The following CDH13 variants were observed in gnomAD, a reference collection of about 807,000 sequenced individuals.
The protein encoded by CDH13 is cadherin 13.
In CDH13, 24 loss-of-function variants were observed where a neutral mutation model predicts 63.8. That is an observed-to-expected ratio of 0.38 (90% CI 0.27 to 0.53). The LOEUF is 0.53. Ranked by LOEUF, CDH13 falls within the 20% of genes least tolerant of loss-of-function variation. The pLI is 0.85. For synonymous variants in CDH13, 503 were observed against 355.3 expected (o/e 1.42, Z -4.67); for missense variants, 1,049 against 903.1 (o/e 1.16, Z -2.07).
chr16:83,586,956 G>A (rs1485162733), intron 7 of CDH13, among the ~76,000 whole-genome samples: 2 of 152,250 alleles, frequency 1.3e-5, no homozygotes, highest in South Asian at 4.2e-4. Flanking sequence ...ACAGCAGAAA[G>A]GCCATGTCTC....
At chr16:83,063,329 C>T (rs1000865687) in intron 3 of CDH13, among the ~76,000 whole-genome samples, 3 of 152,134 alleles carry the variant, frequency 2.0e-5, no homozygotes, top group Non-Finnish European at 2.9e-5. Context: ...TCTTGAGGCC[C>T]AGCCCCAGAA....
At position 83,602,127 on chromosome 16, in the gene CDH13, AAAAAAAAAAAAAAAAACC is replaced by A. The variant is rs1368643865; in HGVS notation, c.961-326_961-309del. 4.3e-4 allele frequency among the ~76,000 whole-genome samples: 45 copies of A among 104,186 alleles called. 2 individuals are homozygous for A. The highest frequency in any genetic ancestry group is 1.8e-3 in the African/African-American group (43 of 23,414). The allele number at this position is 104,186 out of a possible 152,430, so 68.4% of individuals were successfully genotyped here. ...AACAACAAAAAAAAAAAAAAAAAAA[AAAAAAAAAAAAAAAAACC>A]CAAAGGACAATGTATACCCAAGCCC... On this transcript the variant is annotated intron_variant, in intron 7 of 13. Coordinates refer to ENST00000567109, the MANE Select transcript of CDH13 (RefSeq NM_001257.5).
In CDH13 at chr16:83,344,949, C is replaced by T. The variant is rs751441653; in HGVS notation, c.724C>T (p.Arg242Ter). The change falls in exon 6 of 14, where the codon CGA becomes TGA. Residue 242 changes from arginine to a stop codon, truncating the protein, a stop_gained. Coordinates refer to ENST00000567109, the MANE Select transcript of CDH13 (RefSeq NM_001257.5). LOFTEE classifies it high-confidence loss of function. ...EVIVIDQNDN[R>*]PIFREGPYIG... ...CATTGTGATTGATCAGAATGACAACCGACCGATCTTTCGGGAAGGCCCCTA... is the reference window on the plus strand; with the variant it reads ...CATTGTGATTGATCAGAATGACAACTGACCGATCTTTCGGGAAGGCCCCTA... 2 of 1,613,978 alleles carry T rather than the reference C, an allele frequency of 1.2e-6. No individual in the cohort carries two copies. The highest frequency in any genetic ancestry group is 1.7e-6 in the Non-Finnish European group (2 of 1,179,856).
At chr16:82,809,531 A>G (rs946116037) in intron 1 of CDH13, among the ~76,000 whole-genome samples, 5 of 152,156 alleles carry the variant, frequency 3.3e-5, no homozygotes, top group South Asian at 2.1e-4. Flanking sequence ...GCTCAAATCT[A>G]TCAGAATACT....
intron 5 of CDH13, among the ~76,000 whole-genome samples, chr16:83,312,618 C>G (rs2090025064): frequency 6.6e-6 from 1 of 152,124 alleles, no homozygotes; most frequent in African/African-American, 2.4e-5. Context: ...CCTGCCAGGT[C>G]TACAGGGAAA....
chr16:83,713,426 AGTTGGGGAG>A (rs1908372612), intron 10 of CDH13, among the ~76,000 whole-genome samples: 2 of 151,922 alleles, frequency 1.3e-5, no homozygotes, highest in South Asian at 2.1e-4. Flanking sequence ...TTTTATACAG[AGTTGGGGAG>A]GGAGGGAGAT....
intron 1 of CDH13, among the ~76,000 whole-genome samples, chr16:82,819,437 T>G (rs1410217032): frequency 6.6e-6 from 1 of 152,176 alleles, no homozygotes; most frequent in African/African-American, 2.4e-5. Flanking sequence ...CTCCCCCTTT[T>G]GTTATACAGG....
At chr16:82,801,554 C>G (rs2036855584) in intron 1 of CDH13, among the ~76,000 whole-genome samples, 1 of 152,126 alleles carries the variant, frequency 6.6e-6, no homozygotes, top group African/African-American at 2.4e-5. Flanking sequence ...CAGCTAGGGT[C>G]AAGAACAGCA....
chr16:83,188,901 T>C (rs550921429), intron 4 of CDH13, among the ~76,000 whole-genome samples: 14 of 152,272 alleles, frequency 9.2e-5, no homozygotes, highest in South Asian at 4.2e-4. Flanking sequence ...GACAAAGATA[T>C]TGGGCTGGGA....
chr16:82,861,089 A>G (rs2039925207), intron 2 of CDH13, among the ~76,000 whole-genome samples: 1 of 152,238 alleles, frequency 6.6e-6, no homozygotes, highest in South Asian at 2.1e-4. Context: ...GAAAAGAACC[A>G]AACAGAACCA....
chr16:83,184,123 C>T (rs1297261840), intron 4 of CDH13, among the ~76,000 whole-genome samples: 1 of 144,408 alleles, frequency 6.9e-6, no homozygotes, highest in South Asian at 2.2e-4. Flanking sequence ...CACACACACA[C>T]ACATACACAC....
At position 82,965,254 on chromosome 16, in the gene CDH13, C is replaced by T. The variant is rs140718885; in HGVS notation, c.158-66756C>T. 2.3e-3 allele frequency among the ~76,000 whole-genome samples: 344 copies of T among 152,306 alleles called. 1 individual carries two copies. The highest frequency in any genetic ancestry group is 3.9e-3 in the Non-Finnish European group (267 of 68,034). On this transcript the variant is annotated intron_variant, in intron 2 of 13. Transcript: ENST00000567109. Reference sequence around the variant, plus strand: ...ACTAATACTTTGCTTCTTCCCTCCCCACACGATCTCTCCAAAGCCTGGGAA... The same window carrying T: ...ACTAATACTTTGCTTCTTCCCTCCCTACACGATCTCTCCAAAGCCTGGGAA...
intron 1 of CDH13, among the ~76,000 whole-genome samples, chr16:82,772,980 GA>G (rs896171079): frequency 1.3e-5 from 2 of 151,990 alleles, no homozygotes; most frequent in African/African-American, 2.4e-5. Context: ...TGGTTATCAG[GA>G]AAAAAAACCA....
chr16:83,100,365 T>C (rs536525155), intron 3 of CDH13, among the ~76,000 whole-genome samples: 1 of 152,112 alleles, frequency 6.6e-6, no homozygotes, highest in East Asian at 1.9e-4. Context: ...GATACCGAGG[T>C]CAAATTTCAC....
At chr16:83,450,794 C>T (rs1039849284) in intron 6 of CDH13, among the ~76,000 whole-genome samples, 4 of 152,104 alleles carry the variant, frequency 2.6e-5, no homozygotes, top group Admixed American at 6.5e-5. Flanking sequence ...GGCGTGAACC[C>T]GGGAGGCGGA....
chr16:82,681,758 A>G (rs1286433761), intron 1 of CDH13, among the ~76,000 whole-genome samples: 1 of 152,216 alleles, frequency 6.6e-6, no homozygotes, highest in African/African-American at 2.4e-5. Context: ...GTCCACGCAC[A>G]GCAGTACCAG....
chr16:83,789,477 G>C (rs1016437128), intron 13 of CDH13, among the ~76,000 whole-genome samples: 1 of 151,952 alleles, frequency 6.6e-6, no homozygotes, highest in Non-Finnish European at 1.5e-5. Context: ...CTCTGAAGTA[G>C]CTGGGATTAC....
intron 3 of CDH13, among the ~76,000 whole-genome samples, chr16:83,055,293 A>G (rs1329093095): frequency 6.6e-6 from 1 of 151,974 alleles, no homozygotes; most frequent in African/African-American, 2.4e-5. Flanking sequence ...TATAACATAG[A>G]AAGTAGACAT....
At chr16:83,615,940 G>A (rs1157785407) in intron 8 of CDH13, among the ~76,000 whole-genome samples, 2 of 152,158 alleles carry the variant, frequency 1.3e-5, no homozygotes, top group South Asian at 2.1e-4. Flanking sequence ...CCTGCACCAA[G>A]ACCATAGGAA....
Sources: allele counts gnomAD v4.1 joint callset (sites outside exome capture counted in the v4.1 genomes callset), GRCh38; gene constraint gnomAD v4.1.1; transcripts MANE v1.5; gene names NCBI Gene and HGNC (gene_info 2026-07-23, HGNC 2026-07-21).